Variants in OSTF1 observed in about 807,000 individuals in gnomAD.
The protein encoded by OSTF1 is osteoclast stimulating factor 1.
In OSTF1, 27 loss-of-function variants were observed where a neutral mutation model predicts 37.2. The observed-to-expected ratio is 0.73, with a 90% confidence interval of 0.54 to 1.00. The LOEUF (loss-of-function observed/expected upper bound fraction) is 1.00, where lower values mean the gene tolerates loss of function less well. Among genes scored for constraint, OSTF1 ranks in the 50% least tolerant of loss-of-function variants. The pLI is 0.00. For missense variants in OSTF1, 232 were observed against 253.8 expected (o/e 0.91, Z 0.58); for synonymous variants, 82 against 89.2 (o/e 0.92, Z 0.46).
intron 4 of OSTF1, among the ~76,000 whole-genome samples, chr9:75,131,387 A>G (rs1825759206): frequency 6.6e-6 from 1 of 152,250 alleles, no homozygotes; most frequent in South Asian, 2.1e-4. Context: ...TCTTTAAAGC[A>G]GAGTGATCTA....
At position 75,146,681 on chromosome 9, in the gene OSTF1, A is replaced by G; in HGVS notation, c.587-2A>G. The G allele has an allele frequency of 6.2e-7, 1 of 1,605,946 alleles. No homozygotes were observed. The highest frequency in any genetic ancestry group is 8.5e-7 in the Non-Finnish European group (1 of 1,174,816). ...TGCTTTTTTCCCTCCTCTTTCTTTC[A>G]GATGCAGTTCGAACATTAAGCAATG... is the stretch of plus-strand genomic sequence containing the variant. On this transcript the variant is annotated splice_acceptor_variant, in intron 9 of 9. Coordinates refer to ENST00000346234, the MANE Select transcript of OSTF1 (RefSeq NM_012383.5). LOFTEE classifies it high-confidence loss of function.
chr9:75,088,766 C>G lies in OSTF1; in HGVS notation c.34+40C>G, dbSNP rs1485544128. 3 of 1,575,970 alleles carry G rather than the reference C, an allele frequency of 1.9e-6. No homozygotes were observed. In the African/African-American group the frequency reaches 4.1e-5, roughly 21 times the overall value. ...GTAGGCGCTTGCCAGGTCCTGCGAC[C>G]GCCGCGGTGCCGGCGCCTCCTCTGC... On this transcript the variant is annotated intron_variant, in intron 1 of 9. Transcript: ENST00000346234.
rs1043575180 is a variant in OSTF1, at chr9:75,107,116, C to T, written c.35-10388C>T. Reference sequence around the variant, plus strand: ...CACAAAGCCAGAGGTTGAGGGGGAGCCTGTGTTGGCCCAACAGAGTACAGC... The same window carrying T: ...CACAAAGCCAGAGGTTGAGGGGGAGTCTGTGTTGGCCCAACAGAGTACAGC... On this transcript the variant is annotated intron_variant, in intron 1 of 9. Coordinates refer to ENST00000346234, the MANE Select transcript of OSTF1 (RefSeq NM_012383.5). Among the ~76,000 whole-genome samples, 21 of 151,932 alleles carry T rather than the reference C, an allele frequency of 1.4e-4. No individual in the cohort carries two copies. In the South Asian group the frequency reaches 2.3e-3, roughly 17 times the overall value.
chr9:75,132,793 A>T (rs1825780784), intron 5 of OSTF1, among the ~76,000 whole-genome samples: 1 of 152,216 alleles, frequency 6.6e-6, no homozygotes, highest in African/African-American at 2.4e-5. Flanking sequence ...ATTAATAGTT[A>T]TAGTTTAGCA....
At chr9:75,138,107 T>C (rs1488893572) in intron 8 of OSTF1, among the ~76,000 whole-genome samples, 1 of 152,174 alleles carries the variant, frequency 6.6e-6, no homozygotes, top group Non-Finnish European at 1.5e-5. Context: ...TTTTTATAAG[T>C]CAGAGGAAAC....
chr9:75,123,648 T>G (rs549004813), intron 2 of OSTF1, among the ~76,000 whole-genome samples: 2 of 152,344 alleles, frequency 1.3e-5, no homozygotes, highest in Admixed American at 1.3e-4. Context: ...GAAATTACCG[T>G]GTTGTATGTA....
In OSTF1 at chr9:75,146,911, C is replaced by A; in HGVS notation, c.*170C>A. The stretch of plus-strand genomic sequence containing the variant: ...ATGAATTGTTCCCACCTTTGGTTTG[C>A]CAGTAAGTGACTGGATTCTTGGCAC... On this transcript the variant is annotated 3_prime_UTR_variant, in exon 10 of 10. Transcript: ENST00000346234. The A allele has an allele frequency of 2.1e-6, 1 of 465,388 alleles. No homozygotes were observed. Among genetic ancestry groups the A allele is most frequent in the South Asian group, 4.1e-5 (1 of 24,302 alleles). 28.8% of individuals were successfully genotyped at this position (465,388 alleles called of 1,614,324 possible).
chr9:75,088,544 T>C lies in OSTF1; in HGVS notation c.-149T>C, dbSNP rs1229067499. 1 of 826,402 alleles carries C rather than the reference T, an allele frequency of 1.2e-6. No homozygotes were observed. Among genetic ancestry groups the C allele is most frequent in the South Asian group, 1.5e-5 (1 of 64,894 alleles). 51.2% of individuals were successfully genotyped at this position (826,402 alleles called of 1,614,324 possible). A position where few individuals can be genotyped will look rare whatever the true frequency, so the allele number is the denominator to read the frequency against. ...GCGGAGCCGCTCTGCCTGCGTCCGC[T>C]CTTCCCGCAGCCAAGGGTGGGCGCC... On this transcript the variant is annotated 5_prime_UTR_variant, in exon 1 of 10. Coordinates refer to ENST00000346234, the MANE Select transcript of OSTF1 (RefSeq NM_012383.5).
intron 3 of OSTF1, among the ~76,000 whole-genome samples, chr9:75,129,827 C>T (rs1825735387): frequency 6.6e-6 from 1 of 152,238 alleles, no homozygotes; most frequent in Middle Eastern, 3.4e-3. Flanking sequence ...TTATTTGAGT[C>T]CCAAATTATG....
intron 1 of OSTF1, among the ~76,000 whole-genome samples, chr9:75,113,822 C>T (rs1471997725): frequency 2.0e-5 from 3 of 152,186 alleles, no homozygotes; most frequent in African/African-American, 7.2e-5. Context: ...AATCTACTCT[C>T]AGCATTTTCA....
intron 9 of OSTF1, among the ~76,000 whole-genome samples, chr9:75,143,262 A>C (rs955506749): frequency 2.0e-5 from 3 of 152,202 alleles, no homozygotes; most frequent in Non-Finnish European, 2.9e-5. Flanking sequence ...ACAAAAATTC[A>C]CATTTTGCAG....
chr9:75,113,437 C>CTT (rs1010924236), intron 1 of OSTF1, among the ~76,000 whole-genome samples: 1 of 143,760 alleles, frequency 7.0e-6, no homozygotes. Flanking sequence ...CTGCAATATT[C>CTT]TTTTTTTTTT....
rs1339854751 is a variant in OSTF1, at chr9:75,088,549, C to T, written c.-144C>T. Reference sequence around the variant, plus strand: ...GCCGCTCTGCCTGCGTCCGCTCTTCCCGCAGCCAAGGGTGGGCGCCGGTCC... The same window carrying T: ...GCCGCTCTGCCTGCGTCCGCTCTTCTCGCAGCCAAGGGTGGGCGCCGGTCC... On this transcript the variant is annotated 5_prime_UTR_variant, in exon 1 of 10. Coordinates refer to ENST00000346234, the MANE Select transcript of OSTF1 (RefSeq NM_012383.5). 9.2e-6 allele frequency: 8 copies of T among 867,662 alleles called. No individual in the cohort carries two copies. The highest frequency in any genetic ancestry group is 1.5e-5 in the South Asian group (1 of 66,582). 53.7% of individuals were successfully genotyped at this position (867,662 alleles called of 1,614,324 possible). A position where few individuals can be genotyped will look rare whatever the true frequency, so the allele number is the denominator to read the frequency against.
chr9:75,113,372 T>C (rs770334947), intron 1 of OSTF1, among the ~76,000 whole-genome samples: 5 of 152,144 alleles, frequency 3.3e-5, no homozygotes, highest in Non-Finnish European at 5.9e-5. Context: ...CCTACTGTTA[T>C]AAACCTGCTT....
At chr9:75,128,445 T>C (rs71485590) in intron 3 of OSTF1, among the ~76,000 whole-genome samples, 4 of 86,492 alleles carry the variant, frequency 4.6e-5, no homozygotes, top group Non-Finnish European at 9.2e-5. Flanking sequence ...CATATATATA[T>C]ATATTTTGTC....
intron 1 of OSTF1, among the ~76,000 whole-genome samples, chr9:75,104,127 T>C (rs1279440845): frequency 6.6e-6 from 1 of 151,964 alleles, no homozygotes; most frequent in Non-Finnish European, 1.5e-5. Context: ...GCTTGTAGTC[T>C]CAGCTGCTTG....
intron 9 of OSTF1, among the ~76,000 whole-genome samples, chr9:75,141,343 A>AAAAAAAG (rs1825941530): frequency 6.8e-6 from 1 of 147,918 alleles, no homozygotes; most frequent in Non-Finnish European, 1.5e-5. Flanking sequence ...AAAAAAAGAT[A>AAAAAAAG]AACTCTTCAG....
chr9:75,105,050 T>A (rs1222768681), intron 1 of OSTF1, among the ~76,000 whole-genome samples: 1 of 152,224 alleles, frequency 6.6e-6, no homozygotes, highest in Non-Finnish European at 1.5e-5. Flanking sequence ...GTCCCATAAA[T>A]GTGAGTTTAG....
At position 75,133,388 on chromosome 9, in the gene OSTF1, CG is replaced by C. The variant is rs1564167448; in HGVS notation, c.350del (p.Gly117AlafsTer5). 9.4e-6 allele frequency: 15 copies of C among 1,597,138 alleles called. No homozygotes were observed. The highest frequency in any genetic ancestry group is 1.3e-5 in the Non-Finnish European group (15 of 1,165,560). On this transcript the variant is annotated frameshift_variant, in exon 6 of 10. Transcript: ENST00000346234. LOFTEE classifies it high-confidence loss of function. ...GCACTGCCTTATACTGGGCTTGCCA[CG>C]GGGGCCACAAAGGTATTACATTTTG... ...GSTALYWACH[G>X]GHKDIVEMLF...
Sources: allele counts gnomAD v4.1 joint callset (sites outside exome capture counted in the v4.1 genomes callset), GRCh38; gene constraint gnomAD v4.1.1; transcripts MANE v1.5; gene names NCBI Gene and HGNC (gene_info 2026-07-23, HGNC 2026-07-21).